Variants in STRBP observed in about 807,000 individuals in gnomAD.
The protein encoded by STRBP is spermatid perinuclear RNA binding protein.
Under a neutral mutation model 80.1 loss-of-function variants are expected in STRBP, and 13 were observed. That is an observed-to-expected ratio of 0.16 (90% CI 0.11 to 0.26). STRBP has a LOEUF of 0.26. Ranked by LOEUF, STRBP falls within the 10% of genes least tolerant of loss-of-function variation. The pLI is 1.00. For missense variants in STRBP, 485 were observed against 815.2 expected, an observed-to-expected ratio of 0.59 and a Z score of 4.93; for synonymous variants, 284 against 291.2, an observed-to-expected ratio of 0.98 and a Z score of 0.25.
chr9:123,202,965 C>CA (rs1451880818), intron 2 of STRBP, among the ~76,000 whole-genome samples: 1 of 152,196 alleles, frequency 6.6e-6, no homozygotes, highest in African/African-American at 2.4e-5. Flanking sequence ...TTGGATTATA[C>CA]ATTGCCTTCC....
At chr9:123,171,130 T>G (rs1042558165) in intron 5 of STRBP, among the ~76,000 whole-genome samples, 1 of 152,174 alleles carries the variant, frequency 6.6e-6, no homozygotes, top group Non-Finnish European at 1.5e-5. Flanking sequence ...TAAAAGAGCA[T>G]TAAAGATGTC....
At chr9:123,197,666 T>TC (rs1491203990) in intron 2 of STRBP, among the ~76,000 whole-genome samples, 2 of 114,148 alleles carry the variant, frequency 1.8e-5, no homozygotes, top group African/African-American at 3.1e-5. Flanking sequence ...GAAACATATT[T>TC]CTTTTTTTTT....
At chr9:123,239,171 T>A (rs2040638911) in intron 1 of STRBP, among the ~76,000 whole-genome samples, 1 of 151,998 alleles carries the variant, frequency 6.6e-6, no homozygotes, top group African/African-American at 2.4e-5. Flanking sequence ...GTCAGGAGAT[T>A]GAGACCATCC....
At chr9:123,219,192 C>G (rs1020740012) in intron 2 of STRBP, among the ~76,000 whole-genome samples, 1 of 152,162 alleles carries the variant, frequency 6.6e-6, no homozygotes, top group African/African-American at 2.4e-5. Flanking sequence ...TCACATACAA[C>G]CTTATCTTCA....
At chr9:123,183,984 T>C (rs1588061368) in intron 3 of STRBP, 148 bp downstream of exon 3, 2 of 595,868 alleles carry the variant, frequency 3.4e-6, no homozygotes, top group Non-Finnish European at 2.9e-6. Flanking sequence ...TTCATTCGCT[T>C]TGAATAGTAG....
chr9:123,185,486 T>A (rs2038659514), intron 2 of STRBP, among the ~76,000 whole-genome samples: 1 of 152,200 alleles, frequency 6.6e-6, no homozygotes, highest in Non-Finnish European at 1.5e-5. Flanking sequence ...AAGGAAGGAA[T>A]GCATAAGTGC....
chr9:123,256,018 C>CTTTTTTTTTTTTTTTTTTTTTTT (rs11338372), intron 1 of STRBP, among the ~76,000 whole-genome samples: 4 of 71,484 alleles, frequency 5.6e-5, no homozygotes, highest in Non-Finnish European at 9.6e-5. Flanking sequence ...TCCTTTCTTT[C>CTTTTTTTTTTTTTTTTTTTTTTT]TTTTTTTTTT....
intron 2 of STRBP, among the ~76,000 whole-genome samples, chr9:123,226,047 G>A (rs1327674230): frequency 6.6e-6 from 1 of 152,146 alleles, no homozygotes; most frequent in African/African-American, 2.4e-5. Context: ...ACTGGTAAAT[G>A]AATAAACTGT....
intron 2 of STRBP, among the ~76,000 whole-genome samples, chr9:123,207,894 T>C (rs1425779932): frequency 2.0e-5 from 3 of 152,252 alleles, no homozygotes; most frequent in South Asian, 2.1e-4. Flanking sequence ...TATTCTATTT[T>C]TGTCTATAAG....
chr9:123,260,241 G>A (rs1305416041), intron 1 of STRBP, among the ~76,000 whole-genome samples: 1 of 152,164 alleles, frequency 6.6e-6, no homozygotes, highest in Non-Finnish European at 1.5e-5. Context: ...TTCACTAGAA[G>A]AGTCAAATAA....
At chr9:123,192,492 C>A (rs1437512883) in intron 2 of STRBP, among the ~76,000 whole-genome samples, 1 of 152,042 alleles carries the variant, frequency 6.6e-6, no homozygotes, top group Non-Finnish European at 1.5e-5. Context: ...TATAGTCCGT[C>A]GGGAGGCTGA....
At chr9:123,161,302 A>C (rs1298646835) in intron 6 of STRBP, among the ~76,000 whole-genome samples, 1 of 152,258 alleles carries the variant, frequency 6.6e-6, no homozygotes, top group Non-Finnish European at 1.5e-5. Flanking sequence ...TGAAACATGA[A>C]AAATTCATTC....
chr9:123,239,071 ATCT>A (rs966654838), intron 1 of STRBP, among the ~76,000 whole-genome samples: 1 of 152,138 alleles, frequency 6.6e-6, no homozygotes, highest in Non-Finnish European at 1.5e-5. Flanking sequence ...TAAAATAAAC[ATCT>A]TCTTAATATG....
At chr9:123,183,915 T>C (rs1199200948) in intron 3 of STRBP, among the ~76,000 whole-genome samples, 1 of 152,230 alleles carries the variant, frequency 6.6e-6, no homozygotes, top group African/African-American at 2.4e-5. Flanking sequence ...TAATAATTCA[T>C]GGCCTACAGG....
At chr9:123,180,307 A>G (rs1197832227) in intron 3 of STRBP, among the ~76,000 whole-genome samples, 3 of 152,210 alleles carry the variant, frequency 2.0e-5, no homozygotes, top group Admixed American at 1.3e-4. Context: ...TACGAAATAA[A>G]AAGTTATCTG....
chr9:123,134,788 A>G (rs145101479), intron 16 of STRBP, among the ~76,000 whole-genome samples: 1 of 152,328 alleles, frequency 6.6e-6, no homozygotes, highest in East Asian at 1.9e-4. Context: ...AAGATGTAAT[A>G]TGGGAAAAAA....
intron 1 of STRBP, among the ~76,000 whole-genome samples, chr9:123,256,417 T>C (rs958073633): frequency 7.9e-5 from 12 of 152,202 alleles, no homozygotes; most frequent in Non-Finnish European, 1.8e-4. Context: ...TGATAGGTTC[T>C]TGGAAACTGC....
chr9:123,178,976 C>T, intron 4 of STRBP, 31 bp downstream of exon 4: 1 of 1,603,696 alleles, frequency 6.2e-7, no homozygotes, highest in South Asian at 1.1e-5. Context: ...TGCACTCTAG[C>T]ACAGCGTCCC....
At chr9:123,172,107 G>A (rs866824021) in intron 5 of STRBP, among the ~76,000 whole-genome samples, 4 of 152,254 alleles carry the variant, frequency 2.6e-5, no homozygotes, top group Middle Eastern at 3.4e-3. Context: ...TAAAAACTCC[G>A]ATTTACTGTT....
Sources: gnomAD v4.1 joint callset for allele counts (sites outside exome capture counted in the v4.1 genomes callset) on GRCh38, gnomAD v4.1.1 for gene constraint, MANE v1.5 for transcripts, NCBI Gene and HGNC (gene_info 2026-07-23, HGNC 2026-07-21) for gene names.